ANGPT2: variants seen among roughly 807,000 people sequenced by gnomAD.
The protein encoded by ANGPT2 is angiopoietin-2.
In ANGPT2, 28 loss-of-function variants were observed where a neutral mutation model predicts 62.9. The ratio of observed to expected loss-of-function variants is 0.44; its 90% CI spans 0.33 to 0.61. ANGPT2 has a LOEUF of 0.61. Ranked by LOEUF, ANGPT2 falls within the 20% of genes least tolerant of loss-of-function variation. The pLI is 0.03. For missense variants in ANGPT2, 727 were observed against 594.9 expected (o/e 1.22, Z -2.31); for synonymous variants, 284 against 207.8 (o/e 1.37, Z -3.15).
intron 1 of ANGPT2, among the ~76,000 whole-genome samples, chr8:6,541,825 G>A (rs1305398705): frequency 1.3e-5 from 2 of 152,054 alleles, no homozygotes; most frequent in Non-Finnish European, 2.9e-5. Context: ...GCAACATGGC[G>A]AGACTCCATC....
At chr8:6,524,780 T>C (rs1818018549) in intron 3 of ANGPT2, among the ~76,000 whole-genome samples, 1 of 152,212 alleles carries the variant, frequency 6.6e-6, no homozygotes, top group Non-Finnish European at 1.5e-5. Context: ...GTAAGGTCTG[T>C]AAATAGAAGT....
chr8:6,547,306 G>A (rs1359776586), intron 1 of ANGPT2, among the ~76,000 whole-genome samples: 1 of 152,020 alleles, frequency 6.6e-6, no homozygotes, highest in Non-Finnish European at 1.5e-5. Context: ...ACAGAGACTT[G>A]AATCATTTTC....
rs142456388 is a variant in ANGPT2 at position 6,503,179 on chromosome 8, G to A, written c.1410C>T (p.Gly470=). 117 of 1,614,190 alleles carry A rather than the reference G, an allele frequency of 7.2e-5. No homozygotes were observed. The highest frequency in any genetic ancestry group is 9.3e-5 in the Non-Finnish European group (110 of 1,180,030). ...PQRQNTNKFN[G]IKWYYWKGSG... ...AGCCTTTCCAGTAGTACCATTTAAT[G>A]CCGTTGAACTTATTTGTGTTCTGCC... The change falls in exon 9 of 9, where the codon GGC becomes GGT. Residue 470 remains glycine (G), a synonymous_variant. Coordinates refer to ENST00000629816, the MANE Select transcript of ANGPT2 (RefSeq NM_001118887.2).
chr8:6,519,058 T>A (rs1816822756), intron 5 of ANGPT2, among the ~76,000 whole-genome samples: 1 of 152,190 alleles, frequency 6.6e-6, no homozygotes, highest in African/African-American at 2.4e-5. Flanking sequence ...CCACTCACGT[T>A]ACATGCAGTA....
At chr8:6,559,684 A>G (rs1825217890) in intron 1 of ANGPT2, among the ~76,000 whole-genome samples, 1 of 152,158 alleles carries the variant, frequency 6.6e-6, no homozygotes, top group African/African-American at 2.4e-5. Flanking sequence ...AGAAAAAAAA[A>G]TTCCTGTGGT....
At chr8:6,557,816 G>C (rs1432196838) in intron 1 of ANGPT2, among the ~76,000 whole-genome samples, 5 of 152,098 alleles carry the variant, frequency 3.3e-5, no homozygotes, top group African/African-American at 1.2e-4. Context: ...AAAACAGTCT[G>C]TCCGTGTTCA....
At position 6,499,751 on chromosome 8, in the gene ANGPT2, G is replaced by A. The variant is rs1429157652; in HGVS notation, c.*3350C>T. On this transcript the variant is annotated 3_prime_UTR_variant, in exon 9 of 9. Coordinates refer to ENST00000629816, the MANE Select transcript of ANGPT2 (RefSeq NM_001118887.2). ...GAGAACACATCTATTTCAGATCTGC[G>A]GAGTGTATCACTTTTTGCTGTGTCT... The A allele has an allele frequency of 1.7e-5, 16 of 937,016 alleles. No homozygotes were observed. Among genetic ancestry groups the A allele is most frequent in the Admixed American group, 5.1e-5 (3 of 58,294 alleles). The allele number at this position is 937,016 out of a possible 1,614,324, so 58.0% of individuals were successfully genotyped here.
rs944137703 is a variant in ANGPT2, at chr8:6,509,539, G to T, written c.1197-477C>A. On this transcript the variant is annotated intron_variant, in intron 7 of 8. Transcript: ENST00000629816. The stretch of plus-strand genomic sequence containing the variant: ...AGTTTGGGGAAGAAATCTACAGAAC[G>T]GTGCTGAAAATAAATCCTTGTGGCT... 2.0e-5 allele frequency among the ~76,000 whole-genome samples: 3 copies of T among 152,118 alleles called. No individual in the cohort carries two copies. In the East Asian group the frequency reaches 5.8e-4, roughly 29 times the overall value.
intron 1 of ANGPT2, among the ~76,000 whole-genome samples, chr8:6,557,310 T>C (rs1408443690): frequency 1.3e-5 from 2 of 152,092 alleles, no homozygotes; most frequent in African/African-American, 4.8e-5. Context: ...TATACAGGCT[T>C]GCATCCACCA....
At chr8:6,551,886 A>G (rs1404361978) in intron 1 of ANGPT2, among the ~76,000 whole-genome samples, 2 of 152,236 alleles carry the variant, frequency 1.3e-5, no homozygotes, top group African/African-American at 4.8e-5. Flanking sequence ...CAGTTTGTTT[A>G]GGGAATTTTT....
At chr8:6,511,266 T>C (rs1042826639) in intron 7 of ANGPT2, among the ~76,000 whole-genome samples, 1 of 150,000 alleles carries the variant, frequency 6.7e-6, no homozygotes, top group Non-Finnish European at 1.5e-5. Context: ...GTTCTTGAAG[T>C]TGCTTTACAT....
intron 8 of ANGPT2, among the ~76,000 whole-genome samples, chr8:6,505,217 A>C (rs1338028376): frequency 1.1e-5 from 1 of 88,152 alleles, no homozygotes; most frequent in African/African-American, 6.5e-5. Context: ...GAATATATAT[A>C]TATATTCTTA....
Position 6,554,791 on chromosome 8 carries a change from A to C in ANGPT2, c.288+7856T>G, listed in dbSNP as rs1323244400. Among the ~76,000 whole-genome samples the C allele has an allele frequency of 3.3e-5, 5 of 152,194 alleles. No individual in the cohort carries two copies. In the East Asian group the frequency reaches 5.8e-4, roughly 18 times the overall value. On this transcript the variant is annotated intron_variant, in intron 1 of 8. Coordinates refer to ENST00000629816, the MANE Select transcript of ANGPT2 (RefSeq NM_001118887.2). The stretch of plus-strand genomic sequence containing the variant: ...AGTCCACAGGTTTCAATCAGGTTCT[A>C]GATGAATTGCAAAGAGAAAGGTTTT...
At chr8:6,506,083 T>C (rs998912892) in intron 8 of ANGPT2, among the ~76,000 whole-genome samples, 2 of 150,804 alleles carry the variant, frequency 1.3e-5, no homozygotes, top group Admixed American at 1.3e-4. Context: ...GTTTGTTATT[T>C]CATCCAGGTT....
intron 1 of ANGPT2, among the ~76,000 whole-genome samples, chr8:6,555,565 G>T (rs1460682096): frequency 6.6e-6 from 1 of 151,118 alleles, no homozygotes; most frequent in South Asian, 2.1e-4. Context: ...GGGTTCAAAT[G>T]ATCCACCCAC....
Position 6,524,859 on chromosome 8 carries a change from T to C in ANGPT2, c.566+2696A>G, listed in dbSNP as rs182051919. Among the ~76,000 whole-genome samples, 293 of 152,310 alleles carry C rather than the reference T, an allele frequency of 1.9e-3. 6 individuals carry two copies. The highest frequency in any genetic ancestry group is 6.9e-3 in the African/African-American group (285 of 41,576). On this transcript the variant is annotated intron_variant, in intron 3 of 8. Transcript: ENST00000629816. ...AAAATGGAGACCCTGAGAAGTCACC[T>C]TTGGTGTCACGAGCACCTTCAGGTG...
intron 1 of ANGPT2, among the ~76,000 whole-genome samples, chr8:6,556,753 A>G (rs757491929): frequency 1.3e-5 from 2 of 152,074 alleles, no homozygotes. Context: ...AGCTGGGACC[A>G]CAGCTGCGTG....
In ANGPT2 at chr8:6,500,983, C is replaced by G. The variant is rs1812064128; in HGVS notation, c.*2118G>C. ...TCTTGTCATTGAGATATCCTAGAAA[C>G]TTGTTGTTGTCTTTCGAGGCTGTGA... On this transcript the variant is annotated 3_prime_UTR_variant, in exon 9 of 9. Transcript: ENST00000629816. 2 of 152,166 alleles carry G rather than the reference C, an allele frequency of 1.3e-5. No homozygotes were observed. The highest frequency in any genetic ancestry group is 4.1e-4 in the South Asian group (2 of 4,832). The allele number at this position is 152,166 out of a possible 1,614,324, so 9.4% of individuals were successfully genotyped here.
intron 1 of ANGPT2, among the ~76,000 whole-genome samples, chr8:6,547,800 G>A (rs926021322): frequency 6.6e-6 from 1 of 152,114 alleles, no homozygotes; most frequent in African/African-American, 2.4e-5. Context: ...TGCGGGGCCA[G>A]GGGAGCACCG....
Sources: gnomAD v4.1 joint callset for allele counts (sites outside exome capture counted in the v4.1 genomes callset) on GRCh38, gnomAD v4.1.1 for gene constraint, MANE v1.5 for transcripts, NCBI Gene and HGNC (gene_info 2026-07-23, HGNC 2026-07-21) for gene names.